ME1: variants seen among roughly 807,000 people sequenced by gnomAD.
ME1 encodes the protein NADP-dependent malic enzyme.
A neutral mutation model predicts 66.4 loss-of-function variants in ME1; 74 were observed. The observed-to-expected ratio is 1.11, with a 90% CI of 0.92 to 1.35. The LOEUF is 1.35. Among genes scored for constraint, ME1 ranks in the 40% most tolerant of loss-of-function variants. ME1 has a pLI of 0.00. For synonymous variants in ME1, 251 were observed against 235.6 expected (o/e 1.07, Z -0.60); for missense variants, 750 against 694.1 (o/e 1.08, Z -0.90).
Position 83,211,720 on chromosome 6 carries a change from A to T in ME1, c.*204T>A. The T allele has an allele frequency of 2.6e-6, 1 of 387,904 alleles. No homozygotes were observed. The highest frequency in any genetic ancestry group is 4.6e-6 in the Non-Finnish European group (1 of 219,500). The allele number at this position is 387,904 out of a possible 1,614,324, so 24.0% of individuals were successfully genotyped here. A position where few individuals can be genotyped will look rare whatever the true frequency, so the allele number is the denominator to read the frequency against. On this transcript the variant is annotated 3_prime_UTR_variant, in exon 14 of 14. Transcript: ENST00000369705. ...CAGAATAATTCAGACAGAAACCATA[A>T]ATAACCAGAAGGCAAAGTGAAGCAA...
intron 5 of ME1, among the ~76,000 whole-genome samples, chr6:83,326,451 G>T (rs1180564962): frequency 1.3e-5 from 2 of 152,058 alleles, no homozygotes; most frequent in Non-Finnish European, 2.9e-5. Flanking sequence ...GAGTGAACAG[G>T]CAACCTACAG....
At chr6:83,249,117 A>G (rs1790675091) in intron 7 of ME1, among the ~76,000 whole-genome samples, 5 of 152,312 alleles carry the variant, frequency 3.3e-5, no homozygotes, top group Admixed American at 2.6e-4. Context: ...AGATTTGACC[A>G]ATTACTTTCA....
chr6:83,407,983 G>T, intron 1 of ME1, 82 bp from the exon 2 acceptor site: 1 of 1,434,192 alleles, frequency 7.0e-7, no homozygotes. Flanking sequence ...AATCTGACAA[G>T]TATATGCAAT....
chr6:83,414,339 T>C (rs1385020935), intron 1 of ME1, among the ~76,000 whole-genome samples: 1 of 152,108 alleles, frequency 6.6e-6, no homozygotes, highest in Non-Finnish European at 1.5e-5. Flanking sequence ...GCCAACAATA[T>C]ATTAAACACA....
chr6:83,289,427 G>C (rs1436660906), intron 6 of ME1, among the ~76,000 whole-genome samples: 1 of 152,114 alleles, frequency 6.6e-6, no homozygotes, highest in East Asian at 1.9e-4. Context: ...TTTGTCATTG[G>C]TTCTGTTTAT....
chr6:83,401,847 CAGCT>C (rs1351290083), intron 2 of ME1, among the ~76,000 whole-genome samples: 1 of 152,188 alleles, frequency 6.6e-6, no homozygotes, highest in African/African-American at 2.4e-5. Context: ...GGTAATTAGC[CAGCT>C]AGCTACCTGG....
chr6:83,244,892 T>C (rs896757108), intron 7 of ME1, among the ~76,000 whole-genome samples: 1 of 152,012 alleles, frequency 6.6e-6, no homozygotes, highest in Admixed American at 6.6e-5. Context: ...AGCATATACT[T>C]ACCTGAAAAC....
intron 11 of ME1, among the ~76,000 whole-genome samples, chr6:83,226,771 G>C (rs892759073): frequency 6.7e-6 from 1 of 150,164 alleles, no homozygotes. Context: ...TAAAGTCTTT[G>C]AAGGGAAAAA....
intron 6 of ME1, among the ~76,000 whole-genome samples, chr6:83,286,504 TC>T (rs1767398818): frequency 6.6e-6 from 1 of 152,176 alleles, no homozygotes; most frequent in Non-Finnish European, 1.5e-5. Flanking sequence ...TGAATACATA[TC>T]AAGTATTCAT....
intron 5 of ME1, among the ~76,000 whole-genome samples, chr6:83,330,394 A>C (rs1276900655): frequency 1.3e-5 from 2 of 152,198 alleles, no homozygotes; most frequent in African/African-American, 2.4e-5. Context: ...TAAAACCAGT[A>C]CCACTAAAAT....
At chr6:83,311,393 C>T (rs1367149360) in intron 6 of ME1, among the ~76,000 whole-genome samples, 2 of 151,894 alleles carry the variant, frequency 1.3e-5, no homozygotes, top group Non-Finnish European at 2.9e-5. Context: ...GGCAAGAATC[C>T]CAGAAGATGG....
chr6:83,215,027 A>G (rs953121611), intron 13 of ME1, among the ~76,000 whole-genome samples: 14 of 152,224 alleles, frequency 9.2e-5, no homozygotes, highest in Non-Finnish European at 2.1e-4. Flanking sequence ...GCTATTCAGT[A>G]TATTAATAGT....
intron 6 of ME1, among the ~76,000 whole-genome samples, chr6:83,311,411 T>C (rs531288090): frequency 2.0e-5 from 3 of 152,140 alleles, no homozygotes; most frequent in Non-Finnish European, 4.4e-5. Context: ...TGGTGCAAAC[T>C]CATTGCTAGG....
intron 6 of ME1, among the ~76,000 whole-genome samples, chr6:83,274,188 T>A (rs550602453): frequency 3.9e-4 from 59 of 152,308 alleles, no homozygotes; most frequent in African/African-American, 1.3e-3. Flanking sequence ...TCTCTTACTA[T>A]ATTGATAAGT....
At chr6:83,251,426 A>G (rs929676402) in intron 7 of ME1, among the ~76,000 whole-genome samples, 7 of 152,074 alleles carry the variant, frequency 4.6e-5, no homozygotes, top group Admixed American at 3.3e-4. Context: ...ACCCAGGAGC[A>G]GAGGTTGCAG....
At chr6:83,296,794 C>A (rs1305023187) in intron 6 of ME1, among the ~76,000 whole-genome samples, 2 of 152,182 alleles carry the variant, frequency 1.3e-5, no homozygotes, top group African/African-American at 4.8e-5. Flanking sequence ...AAAGCTCCTT[C>A]ATTTGATAAA....
intron 1 of ME1, among the ~76,000 whole-genome samples, chr6:83,424,855 T>C (rs1478528534): frequency 6.6e-6 from 1 of 152,204 alleles, no homozygotes; most frequent in Non-Finnish European, 1.5e-5. Flanking sequence ...GCTTCTCTCC[T>C]GGACTTACTA....
chr6:83,378,230 T>C (rs1769328215), intron 3 of ME1, among the ~76,000 whole-genome samples: 1 of 152,060 alleles, frequency 6.6e-6, no homozygotes, highest in African/African-American at 2.4e-5. Context: ...AAAGATGTTC[T>C]AAAGAAAACT....
chr6:83,426,822 T>C (rs1770381595), intron 1 of ME1, among the ~76,000 whole-genome samples: 1 of 152,176 alleles, frequency 6.6e-6, no homozygotes, highest in African/African-American at 2.4e-5. Context: ...TGTTTGGAGA[T>C]TTACTTATGG....
Sources: gnomAD v4.1 joint callset for allele counts (sites outside exome capture counted in the v4.1 genomes callset) on GRCh38, gnomAD v4.1.1 for gene constraint, MANE v1.5 for transcripts, NCBI Gene and HGNC (gene_info 2026-07-23, HGNC 2026-07-21) for gene names.